PHOSPHO1: variants seen among roughly 807,000 people sequenced by gnomAD.
PHOSPHO1 encodes the protein phosphoethanolamine/phosphocholine phosphatase.
Under a neutral mutation model 17.7 loss-of-function variants are expected in PHOSPHO1, and 6 were observed. That is an observed-to-expected ratio of 0.34 (90% confidence interval 0.19 to 0.67). PHOSPHO1 has a LOEUF of 0.67. Ranked by LOEUF, PHOSPHO1 falls within the 30% of genes least tolerant of loss-of-function variation. The pLI is 0.69. For synonymous variants in PHOSPHO1, 159 were observed against 174.6 expected (o/e 0.91, Z 0.71); for missense variants, 330 against 392.1 (o/e 0.84, Z 1.34).
At position 49,224,222 on chromosome 17, in the gene PHOSPHO1, G is replaced by A. The variant is rs775244617; in HGVS notation, c.*24C>T. On this transcript the variant is annotated 3_prime_UTR_variant, in exon 3 of 3. Coordinates refer to ENST00000310544, the MANE Select transcript of PHOSPHO1 (RefSeq NM_178500.4). ...CCCGCCCCCTCCGCCGTTGGCCCGG[G>A]TACCCCCCTGCAGGCGGCCAGACTC... 6.5e-7 allele frequency: 1 copy of A among 1,536,052 alleles called. No individual in the cohort carries two copies. The highest frequency in any genetic ancestry group is 8.7e-7 in the Non-Finnish European group (1 of 1,147,222).
intron 2 of PHOSPHO1, 38 bp downstream of exon 2, chr17:49,226,609 G>A (rs1338216861): frequency 6.2e-7 from 1 of 1,609,380 alleles, no homozygotes; most frequent in Non-Finnish European, 8.5e-7. Flanking sequence ...TGGGGGCTGA[G>A]GCCTCATCCT....
chr17:49,229,774 A>G (rs2043394709), intron 1 of PHOSPHO1, among the ~76,000 whole-genome samples: 1 of 152,168 alleles, frequency 6.6e-6, no homozygotes, highest in South Asian at 2.1e-4. Context: ...GCTCCCAAAC[A>G]TGACCATCTT....
chr17:49,224,376 C>T lies in PHOSPHO1; in HGVS notation c.674G>A (p.Gly225Asp), dbSNP rs766510301. The change falls in exon 3 of 3, where the codon GGC becomes GAC. Residue 225 changes from glycine (G) to aspartate (D), a missense_variant. Physicochemically the swap from Gly to Asp is moderately conservative, Grantham distance 94. Transcript: ENST00000310544. ...CTGAATGAGGCGGTGCATGGGGTAG[C>T]CGCGGCGCGGGAAGGCCACGTCGCC... The part of the protein sequence containing the change: ...AGGDVAFPRR[G>D]YPMHRLIQEA... 6.4e-7 allele frequency: 1 copy of T among 1,554,826 alleles called. No individual in the cohort carries two copies. The highest frequency in any genetic ancestry group is 1.9e-5 in the Admixed American group (1 of 52,064).
chr17:49,224,888 C>T lies in PHOSPHO1; in HGVS notation c.162G>A (p.Arg54=), dbSNP rs1598251127. The T allele has an allele frequency of 4.4e-6, 7 of 1,603,534 alleles. No individual in the cohort carries two copies. The East Asian group carries it at 1.4e-4, about 31-fold the overall frequency. Residue 54 remains arginine, a synonymous_variant, in exon 3 of 3, where the codon CGG becomes CGA. Coordinates refer to ENST00000310544, the MANE Select transcript of PHOSPHO1 (RefSeq NM_178500.4). ...AGGTGGCTCGCAGGCTCTCCGGGAG[C>T]CGCTGGCCCGGCGCGGCGCGCACGA... ...DSIVRAAPGQ[R]LPESLRATYR...
intron 2 of PHOSPHO1, 100 bp from the exon 3 acceptor site, chr17:49,225,104 C>G: frequency 6.9e-7 from 1 of 1,442,034 alleles, no homozygotes; most frequent in South Asian, 1.5e-5. Flanking sequence ...TAGCGGGCCA[C>G]GGCCAGAGGC....
intron 2 of PHOSPHO1, chr17:49,225,212 C>T: frequency 7.0e-7 from 1 of 1,423,044 alleles, no homozygotes; most frequent in Non-Finnish European, 9.1e-7. Flanking sequence ...CTGACTACTC[C>T]AGTGGCACCT....
In PHOSPHO1 at chr17:49,226,726, ACT is replaced by A. The variant is rs2043361808; in HGVS notation, c.-37_-36del. 1 of 1,613,320 alleles carries A rather than the reference ACT, an allele frequency of 6.2e-7. No homozygotes were observed. Among genetic ancestry groups the A allele is most frequent in the Non-Finnish European group, 8.5e-7 (1 of 1,179,488 alleles). On this transcript the variant is annotated 5_prime_UTR_variant, in exon 2 of 3. Coordinates refer to ENST00000310544, the MANE Select transcript of PHOSPHO1 (RefSeq NM_178500.4). Reference sequence around the variant, plus strand: ...ATTACCGTGAGCACCACCTGTAGGGACTCTGTTGGCCTCCAGCCGTCGTCACA... The same window carrying A: ...ATTACCGTGAGCACCACCTGTAGGGACTGTTGGCCTCCAGCCGTCGTCACA...
At position 49,223,906 on chromosome 17, in the gene PHOSPHO1, T is replaced by C. The variant is rs9889994; in HGVS notation, c.*340A>G. 1 of 238,696 alleles carries C rather than the reference T, an allele frequency of 4.2e-6. No individual in the cohort carries two copies. The highest frequency in any genetic ancestry group is 8.1e-6 in the Non-Finnish European group (1 of 123,946). 14.8% of individuals were successfully genotyped at this position (238,696 alleles called of 1,614,324 possible). On this transcript the variant is annotated 3_prime_UTR_variant, in exon 3 of 3. Coordinates refer to ENST00000310544, the MANE Select transcript of PHOSPHO1 (RefSeq NM_178500.4). ...GGCAACAAGTTACAGCGGCGGGAGA[T>C]GTTCCTTCTCTCACCTGCCGGGGGG...
At chr17:49,225,196 C>G in intron 2 of PHOSPHO1, 192 bp from the exon 3 acceptor site, 1 of 1,427,906 alleles carries the variant, frequency 7.0e-7, no homozygotes, top group Admixed American at 2.9e-5. Flanking sequence ...CTATCCCCAG[C>G]CTTCCCTGAC....
intron 1 of PHOSPHO1, among the ~76,000 whole-genome samples, chr17:49,229,621 G>A (rs1022204211): frequency 2.6e-5 from 4 of 152,136 alleles, no homozygotes; most frequent in Non-Finnish European, 5.9e-5. Flanking sequence ...CAAAGGAAAT[G>A]TGCAGAATGA....
chr17:49,225,609 G>A (rs959038104), intron 2 of PHOSPHO1: 31 of 1,292,648 alleles, frequency 2.4e-5, no homozygotes, highest in African/African-American at 6.1e-5. Flanking sequence ...CAGCTTCTTC[G>A]GGGAGTTTTA....
Position 49,224,961 on chromosome 17 carries a change from G to T in PHOSPHO1, c.89C>A (p.Thr30Asn). 1 of 1,573,578 alleles carries T rather than the reference G, an allele frequency of 6.4e-7. No homozygotes were observed. The highest frequency in any genetic ancestry group is 1.3e-5 in the African/African-American group (1 of 74,148). ...AAQGAPRFLL[T>N]FDFDETIVDE... is the part of the protein sequence containing the mutation. ...CACGATAGTCTCGTCGAAGTCGAAG[G>T]TCAGGAGGAAGCGCGGCGCGCCCTG... The change falls in exon 3 of 3, where the codon ACC (threonine) becomes AAC (asparagine). Residue 30 changes from threonine (T) to asparagine (N), a missense_variant. Thr to Asn is a moderately conservative substitution (Grantham distance 65). Coordinates refer to ENST00000310544, the MANE Select transcript of PHOSPHO1 (RefSeq NM_178500.4).
chr17:49,227,903 G>A (rs1054496879), intron 1 of PHOSPHO1, among the ~76,000 whole-genome samples: 1 of 152,178 alleles, frequency 6.6e-6, no homozygotes, highest in African/African-American at 2.4e-5. Context: ...AAGAGAGGGT[G>A]AGGGATGGGA....
In PHOSPHO1 at chr17:49,224,809, C is replaced by A; in HGVS notation, c.241G>T (p.Glu81Ter). The change falls in exon 3 of 3, where the codon GAG becomes TAG. Residue 81 changes from glutamate (E) to a stop codon, truncating the protein, a stop_gained. Coordinates refer to ENST00000310544, the MANE Select transcript of PHOSPHO1 (RefSeq NM_178500.4). LOFTEE classifies it high-confidence loss of function. Reference sequence around the variant, plus strand: ...AGGTCCCGCGGCCGCACGCCCTGCTCGCCCAGGTACTTGAAGACGCGCTGC... The same window carrying A: ...AGGTCCCGCGGCCGCACGCCCTGCTAGCCCAGGTACTTGAAGACGCGCTGC... ...YMQRVFKYLGEQGVRPRDLSA... is the reference protein window; with the variant it reads ...YMQRVFKYLG 1.2e-6 allele frequency: 2 copies of A among 1,600,796 alleles called. No individual in the cohort carries two copies. Among genetic ancestry groups the A allele is most frequent in the Admixed American group, 1.7e-5 (1 of 58,000 alleles).
At chr17:49,226,844 G>T in intron 1 of PHOSPHO1, 86 bp from the exon 2 acceptor site, 1 of 799,502 alleles carries the variant, frequency 1.3e-6, no homozygotes, top group Non-Finnish European at 2.1e-6. Flanking sequence ...TGGTCCTTCT[G>T]CTGAGCTACA....
At position 49,224,231 on chromosome 17, in the gene PHOSPHO1, T is replaced by C. The variant is rs761857200; in HGVS notation, c.*15A>G. 2.6e-6 allele frequency: 4 copies of C among 1,546,918 alleles called. No individual in the cohort carries two copies. The African/African-American group carries it at 5.5e-5, about 21-fold the overall frequency. ...TCCGCCGTTGGCCCGGGTACCCCCC[T>C]GCAGGCGGCCAGACTCAGCACGACT... On this transcript the variant is annotated 3_prime_UTR_variant, in exon 3 of 3. Coordinates refer to ENST00000310544, the MANE Select transcript of PHOSPHO1 (RefSeq NM_178500.4).
intron 1 of PHOSPHO1, among the ~76,000 whole-genome samples, chr17:49,229,349 C>T (rs1303643810): frequency 1.3e-5 from 2 of 152,154 alleles, no homozygotes; most frequent in Non-Finnish European, 2.9e-5. Flanking sequence ...CTCTCACAGG[C>T]CAGAGCAGGG....
chr17:49,226,228 T>C (rs2043355244), intron 2 of PHOSPHO1, among the ~76,000 whole-genome samples: 1 of 152,008 alleles, frequency 6.6e-6, no homozygotes, highest in Non-Finnish European at 1.5e-5. Flanking sequence ...TTAATTGAGA[T>C]GGGATTGTTT....
intron 2 of PHOSPHO1, chr17:49,225,921 G>C: frequency 9.1e-7 from 1 of 1,100,790 alleles, no homozygotes; most frequent in Non-Finnish European, 1.2e-6. Context: ...GAGACAGACT[G>C]CTGGACAGGA....
Sources: gnomAD v4.1 joint callset for allele counts (sites outside exome capture counted in the v4.1 genomes callset) on GRCh38, gnomAD v4.1.1 for gene constraint, MANE v1.5 for transcripts, NCBI Gene and HGNC (gene_info 2026-07-23, HGNC 2026-07-21) for gene names.